The following CACNA2D3 variants were observed in gnomAD, a reference collection of about 807,000 sequenced individuals.
CACNA2D3 encodes calcium voltage-gated channel auxiliary subunit alpha2delta 3.
In CACNA2D3, 60 loss-of-function variants were observed where a neutral mutation model predicts 160.6. The ratio of observed to expected loss-of-function variants is 0.37; its 90% CI spans 0.30 to 0.46. The LOEUF (loss-of-function observed/expected upper bound fraction) is 0.46. CACNA2D3 is among the 20% of genes least tolerant of loss of function. The probability of loss-of-function intolerance (pLI) is 1.00; values close to 1 mark genes in which losing one functional copy is unlikely to be tolerated. For synonymous variants in CACNA2D3, 558 were observed against 492.9 expected, an observed-to-expected ratio of 1.13 and a Z score of -1.75; for missense variants, 1,205 against 1,365.0, an observed-to-expected ratio of 0.88 and a Z score of 1.85.
At chr3:54,694,158 A>G (rs556659820) in intron 11 of CACNA2D3, among the ~76,000 whole-genome samples, 1 of 152,310 alleles carries the variant, frequency 6.6e-6, no homozygotes, top group East Asian at 1.9e-4. Flanking sequence ...TTAATCTTCT[A>G]TACCATACTT....
chr3:54,563,887 T>C (rs1200396195), intron 6 of CACNA2D3, among the ~76,000 whole-genome samples: 1 of 152,166 alleles, frequency 6.6e-6, no homozygotes, highest in Admixed American at 6.5e-5. Context: ...AATTGCCTGC[T>C]GGGTCTCTGC....
In CACNA2D3 at chr3:55,018,285, T is replaced by C; in HGVS notation, c.2955T>C (p.Thr985=). ...AFVSERTIKE[T]TGNIACEDCS... ...TCTCTGAGCGCACCATCAAGGAGAC[T>C]ACAGGGAATATTGCTTGTGAAGACT... The change falls in exon 35 of 38, where the codon ACT becomes ACC. Residue 985 remains threonine (T), a synonymous_variant. Transcript: ENST00000474759. The C allele has an allele frequency of 6.2e-7, 1 of 1,612,288 alleles. No homozygotes were observed. Among genetic ancestry groups the C allele is most frequent in the Admixed American group, 1.7e-5 (1 of 59,944 alleles).
chr3:54,167,248 A>T (rs1056391459), intron 2 of CACNA2D3, among the ~76,000 whole-genome samples: 1 of 152,178 alleles, frequency 6.6e-6, no homozygotes, highest in African/African-American at 2.4e-5. Context: ...AACCAGGTAT[A>T]TAGTTGATCC....
At chr3:54,751,322 G>C (rs563994906) in intron 11 of CACNA2D3, among the ~76,000 whole-genome samples, 2 of 152,206 alleles carry the variant, frequency 1.3e-5, no homozygotes, top group East Asian at 3.9e-4. Context: ...TAATAATAAC[G>C]TGCATTTACA....
intron 2 of CACNA2D3, among the ~76,000 whole-genome samples, chr3:54,301,477 A>G (rs1236244984): frequency 6.6e-6 from 1 of 152,172 alleles, no homozygotes; most frequent in Non-Finnish European, 1.5e-5. Flanking sequence ...AAAAATAAGT[A>G]CAATAAATTA....
intron 2 of CACNA2D3, among the ~76,000 whole-genome samples, chr3:54,179,249 C>T (rs186012873): frequency 7.2e-5 from 11 of 152,304 alleles, no homozygotes; most frequent in East Asian, 3.9e-4. Flanking sequence ...GGAATGTGAC[C>T]GCTTGCATCG....
chr3:54,984,293 A>C (rs530527543), intron 29 of CACNA2D3, among the ~76,000 whole-genome samples: 9 of 151,966 alleles, frequency 5.9e-5, no homozygotes, highest in Non-Finnish European at 1.2e-4. Context: ...AATATTATTC[A>C]GGTCATATAA....
At chr3:54,682,239 A>T (rs1399025587) in intron 11 of CACNA2D3, among the ~76,000 whole-genome samples, 3 of 152,176 alleles carry the variant, frequency 2.0e-5, no homozygotes, top group African/African-American at 7.2e-5. Context: ...ATTTAAATAT[A>T]AATATGAGAA....
chr3:54,507,849 C>T (rs142784455), intron 5 of CACNA2D3, among the ~76,000 whole-genome samples: 2 of 152,348 alleles, frequency 1.3e-5, no homozygotes, highest in Non-Finnish European at 2.9e-5. Context: ...TTCCTCATCC[C>T]TAAGCTGGAG....
chr3:54,342,491 A>T (rs1243734795), intron 3 of CACNA2D3, among the ~76,000 whole-genome samples: 1 of 152,100 alleles, frequency 6.6e-6, no homozygotes, highest in Admixed American at 6.5e-5. Context: ...GTTGGGAAGG[A>T]TACGGTGGGG....
At chr3:54,974,617 A>T (rs1426686252) in intron 29 of CACNA2D3, among the ~76,000 whole-genome samples, 1 of 152,192 alleles carries the variant, frequency 6.6e-6, no homozygotes, top group African/African-American at 2.4e-5. Context: ...TAAGAATCAG[A>T]CTTCTCTGAG....
At chr3:54,432,533 T>C (rs915825462) in intron 4 of CACNA2D3, among the ~76,000 whole-genome samples, 1 of 152,130 alleles carries the variant, frequency 6.6e-6, no homozygotes, top group East Asian at 1.9e-4. Context: ...TTTTTTTCCC[T>C]TGAAAGCAAA....
intron 11 of CACNA2D3, among the ~76,000 whole-genome samples, chr3:54,674,972 A>G (rs1292236674): frequency 3.9e-5 from 6 of 152,288 alleles, no homozygotes; most frequent in African/African-American, 1.4e-4. Flanking sequence ...GGAAGAGACT[A>G]GAGAGAGCCA....
chr3:54,581,323 A>G (rs932262822), intron 8 of CACNA2D3, among the ~76,000 whole-genome samples: 1 of 152,208 alleles, frequency 6.6e-6, no homozygotes, highest in African/African-American at 2.4e-5. Flanking sequence ...ATCAGCACCC[A>G]CATACCCTTG....
At chr3:54,586,685 A>G (rs1486739787) in intron 9 of CACNA2D3, among the ~76,000 whole-genome samples, 1 of 152,208 alleles carries the variant, frequency 6.6e-6, no homozygotes, top group Admixed American at 6.5e-5. Flanking sequence ...TTGAAATGAC[A>G]TTTATAGAGC....
intron 5 of CACNA2D3, among the ~76,000 whole-genome samples, chr3:54,524,248 C>T (rs1559504117): frequency 6.6e-6 from 1 of 152,008 alleles, no homozygotes. Flanking sequence ...CATTTGATTT[C>T]TTCTTTGATG....
In CACNA2D3 at chr3:55,073,464, A is replaced by T; in HGVS notation, c.3007A>T (p.Ile1003Phe). The T allele has an allele frequency of 6.2e-7, 1 of 1,613,802 alleles. No homozygotes were observed. The highest frequency in any genetic ancestry group is 8.5e-7 in the Non-Finnish European group (1 of 1,179,824). The change falls in exon 36 of 38, where the codon ATC becomes TTC. Residue 1003 changes from isoleucine (I) to phenylalanine (F), a missense_variant. By Grantham distance (21) the Ile-to-Phe change is conservative. This residue lies in a region of CACNA2D3 where 911 missense variants were observed against 1,002.2 expected (regional missense o/e 0.91). Coordinates refer to ENST00000474759, the MANE Select transcript of CACNA2D3 (RefSeq NM_018398.3). The part of the protein sequence containing the change: ...DCSKSFVIQQ[I>F]PSSNLFMVVV... ...CAACAGGTCCTTTGTCATCCAGCAA[A>T]TCCCAAGCAGCAACCTGTTCATGGT... is the stretch of plus-strand genomic sequence containing the variant.
chr3:54,702,549 C>T (rs538060667), intron 11 of CACNA2D3, among the ~76,000 whole-genome samples: 1 of 152,226 alleles, frequency 6.6e-6, no homozygotes, highest in East Asian at 1.9e-4. Flanking sequence ...CTATGAGATA[C>T]CATCTCACCA....
At chr3:54,409,982 G>A (rs1191088360) in intron 4 of CACNA2D3, among the ~76,000 whole-genome samples, 1 of 152,204 alleles carries the variant, frequency 6.6e-6, no homozygotes, top group Non-Finnish European at 1.5e-5. Flanking sequence ...GATGAAGGTG[G>A]CTATAGAAAA....
Sources: gnomAD v4.1 joint callset for allele counts (sites outside exome capture counted in the v4.1 genomes callset) on GRCh38, gnomAD v4.1.1 for gene constraint, gnomAD v4.1.1 regional missense constraint, MANE v1.5 for transcripts, NCBI Gene and HGNC (gene_info 2026-07-23, HGNC 2026-07-21) for gene names.